ZNF23: variants seen among roughly 807,000 people sequenced by gnomAD.
ZNF23 encodes the protein zinc finger protein 23, also known as kruppel-like zinc finger factor X31.
ZNF23 carries 48 observed loss-of-function variants against 56.2 expected under a neutral mutation model. The ratio of observed to expected loss-of-function variants is 0.85; its 90% CI spans 0.68 to 1.09. The LOEUF (loss-of-function observed/expected upper bound fraction) is 1.09. Among genes scored for constraint, ZNF23 ranks in the 50% least tolerant of loss-of-function variants. ZNF23 has a pLI of 0.00. For missense variants in ZNF23, 805 were observed against 811.4 expected, an observed-to-expected ratio of 0.99 and a Z score of 0.10; for synonymous variants, 266 against 283.3, an observed-to-expected ratio of 0.94 and a Z score of 0.61.
rs748166184 is a variant in ZNF23, at chr16:71,448,447, A to G, written c.1707T>C (p.His569=). The G allele has an allele frequency of 3.1e-6, 5 of 1,614,150 alleles. No homozygotes were observed. The highest frequency in any genetic ancestry group is 1.7e-5 in the Admixed American group (1 of 60,024). The change falls in exon 5 of 5, where the codon CAT becomes CAC. Residue 569 remains histidine (H), a synonymous_variant. Coordinates refer to ENST00000647773, the MANE Select transcript of ZNF23 (RefSeq NM_001381984.1). The part of the protein sequence containing the change: ...NAKLTRHQRI[H]TGEKPFKCME... Reference sequence around the variant, plus strand: ...TACATTTGAAAGGTTTCTCCCCAGTATGTATCCTCTGATGCCTAGTTAGTT... The same window carrying G: ...TACATTTGAAAGGTTTCTCCCCAGTGTGTATCCTCTGATGCCTAGTTAGTT...
chr16:71,461,611 TC>T (rs2043459773), intron 1 of ZNF23: 1 of 152,190 alleles, frequency 6.6e-6, no homozygotes, highest in Non-Finnish European at 1.5e-5. Context: ...TAGAAGTCAT[TC>T]CCAGGTCACT....
In ZNF23 at chr16:71,447,962, G is replaced by C; in HGVS notation, c.*131C>G. 1 of 649,680 alleles carries C rather than the reference G, an allele frequency of 1.5e-6. No homozygotes were observed. The highest frequency in any genetic ancestry group is 2.4e-6 in the Non-Finnish European group (1 of 408,474). The allele number at this position is 649,680 out of a possible 1,614,324, so 40.2% of individuals were successfully genotyped here. A position where few individuals can be genotyped will look rare whatever the true frequency, so the allele number is the denominator to read the frequency against. ...ATCCTTTCCTGATTTAAACTGAATA[G>C]AATAAAAACTGTTTCCATATGAAGA... On this transcript the variant is annotated 3_prime_UTR_variant, in exon 5 of 5. Transcript: ENST00000647773.
chr16:71,459,115 A>T (rs1224379083), intron 1 of ZNF23, among the ~76,000 whole-genome samples: 2 of 152,224 alleles, frequency 1.3e-5, no homozygotes, highest in African/African-American at 4.8e-5. Flanking sequence ...TGAAGCTGCA[A>T]GCTACCAGAA....
intron 2 of ZNF23, among the ~76,000 whole-genome samples, chr16:71,454,453 A>G (rs1156284232): frequency 6.6e-6 from 1 of 152,092 alleles, no homozygotes; most frequent in Admixed American, 6.5e-5. Context: ...TCTAAAGCCA[A>G]CTCCACTCTT....
At position 71,454,036 on chromosome 16, in the gene ZNF23, T is replaced by A. The variant is rs2043141489; in HGVS notation, c.160+6A>T. On this transcript the variant is annotated splice_donor_region_variant and intron_variant, in intron 3 of 4. Transcript: ENST00000647773. ...ATTCCAGGTTCCCAGGGTAGAGAGG[T>A]CTTACCCAGGGAGGCCACATTCCCA... is the stretch of plus-strand genomic sequence containing the variant. The A allele has an allele frequency of 6.2e-7, 1 of 1,613,650 alleles. No homozygotes were observed. Among genetic ancestry groups the A allele is most frequent in the South Asian group, 1.1e-5 (1 of 91,058 alleles).
intron 4 of ZNF23, chr16:71,450,262 T>C (rs2043008436): frequency 6.0e-6 from 1 of 167,150 alleles, no homozygotes; most frequent in South Asian, 1.7e-4. Flanking sequence ...ATAGGAAGTT[T>C]AGTGGACTTG....
intron 3 of ZNF23, 54 bp from the exon 4 acceptor site, chr16:71,453,404 A>C: frequency 7.5e-7 from 1 of 1,341,538 alleles, no homozygotes; most frequent in Non-Finnish European, 1.0e-6. Context: ...CCACAGACAA[A>C]TTCCTAAGCC....
intron 1 of ZNF23, among the ~76,000 whole-genome samples, chr16:71,457,265 T>TA (rs1437867524): frequency 6.6e-6 from 1 of 151,344 alleles, no homozygotes; most frequent in Non-Finnish European, 1.5e-5. Context: ...CCTGTCTCTA[T>TA]AAAAAATACA....
rs2043243151 is a variant in ZNF23 at position 71,456,628 on chromosome 16, G to A, written c.33+136C>T. On this transcript the variant is annotated intron_variant, in intron 2 of 4. Transcript: ENST00000647773. ...TGTCCTGGTCTCTGCCGCCCTCCCT[G>A]CACAACACCTCTTTCCCACAAGTTC... 3.2e-6 allele frequency: 3 copies of A among 924,128 alleles called. No individual in the cohort carries two copies. The South Asian group carries it at 1.5e-4, about 46-fold the overall frequency. 57.2% of individuals were successfully genotyped at this position (924,128 alleles called of 1,614,324 possible). A position where few individuals can be genotyped will look rare whatever the true frequency, so the allele number is the denominator to read the frequency against.
intron 2 of ZNF23, among the ~76,000 whole-genome samples, chr16:71,455,707 G>A (rs573364352): frequency 6.6e-6 from 1 of 152,208 alleles, no homozygotes; most frequent in Admixed American, 6.5e-5. Context: ...CTTTAATGAT[G>A]GCTTTCCTTG....
chr16:71,448,100 T>C lies in ZNF23; in HGVS notation c.2054A>G (p.Lys685Arg), dbSNP rs1306076876. ...TCTATATCTTTCTCATTATTAGGAT[T>C]TTCCTTCACTATGGACACTCTGATG... ...SQHQSVHSEG[K>R]S Residue 685 changes from lysine to arginine, a missense_variant, in exon 5 of 5, where the codon AAA becomes AGA. Coordinates refer to ENST00000647773, the MANE Select transcript of ZNF23 (RefSeq NM_001381984.1). 8 of 1,580,986 alleles carry C rather than the reference T, an allele frequency of 5.1e-6. No individual in the cohort carries two copies. Among genetic ancestry groups the C allele is most frequent in the Non-Finnish European group, 6.9e-6 (8 of 1,166,220 alleles).
At position 71,448,003 on chromosome 16, in the gene ZNF23, G is replaced by T; in HGVS notation, c.*90C>A. The T allele has an allele frequency of 2.9e-6, 3 of 1,025,162 alleles. No individual in the cohort carries two copies. Among genetic ancestry groups the T allele is most frequent in the Non-Finnish European group, 4.2e-6 (3 of 713,622 alleles). The allele number at this position is 1,025,162 out of a possible 1,614,324, so 63.5% of individuals were successfully genotyped here. On this transcript the variant is annotated 3_prime_UTR_variant, in exon 5 of 5. Coordinates refer to ENST00000647773, the MANE Select transcript of ZNF23 (RefSeq NM_001381984.1). ...CATATGAAGACTCTGCCATATTCAT[G>T]CCCTCTTGGAGGTTTTTCAATGGAT...
intron 1 of ZNF23, among the ~76,000 whole-genome samples, chr16:71,459,331 A>C (rs1015420062): frequency 1.3e-5 from 2 of 152,250 alleles, no homozygotes; most frequent in African/African-American, 4.8e-5. Context: ...TAAGACTCCA[A>C]GGCTCCTCAA....
In ZNF23 at chr16:71,454,248, G is replaced by A. The variant is rs533926007; in HGVS notation, c.34-80C>T. 10 of 1,508,820 alleles carry A rather than the reference G, an allele frequency of 6.6e-6. 1 individual carries two copies. In the South Asian group the frequency reaches 1.3e-4, roughly 20 times the overall value. 93.5% of individuals were successfully genotyped at this position (1,508,820 alleles called of 1,614,324 possible). On this transcript the variant is annotated intron_variant, in intron 2 of 4. Coordinates refer to ENST00000647773, the MANE Select transcript of ZNF23 (RefSeq NM_001381984.1). ...GTGAGGGGCAGAGCGCAGTATAAGGGCTTGGGGAGGGTGCTTGTGAGAGCA... is the reference window on the plus strand; with the variant it reads ...GTGAGGGGCAGAGCGCAGTATAAGGACTTGGGGAGGGTGCTTGTGAGAGCA...
chr16:71,453,954 C>T (rs1487098405), intron 3 of ZNF23, 88 bp downstream of exon 3: 2 of 1,456,412 alleles, frequency 1.4e-6, no homozygotes, highest in Non-Finnish European at 1.9e-6. Flanking sequence ...AAAGGATTAC[C>T]AGAGATCCCC....
Position 71,449,094 on chromosome 16 carries a change from T to C in ZNF23, c.1060A>G (p.Asn354Asp). The part of the protein sequence containing the change: ...VHTGEKPYEC[N>D]DCGKAFNVNA... ...ACATTGAACGCTTTCCCACAGTCATTACACTCGTAAGGTTTCTCTCCAGTG... is the reference window on the plus strand; with the variant it reads ...ACATTGAACGCTTTCCCACAGTCATCACACTCGTAAGGTTTCTCTCCAGTG... The change falls in exon 5 of 5, where the codon AAT (asparagine) becomes GAT (aspartate). Residue 354 changes from asparagine to aspartate, a missense_variant. By Grantham distance (23) the Asn-to-Asp change is conservative. Coordinates refer to ENST00000647773, the MANE Select transcript of ZNF23 (RefSeq NM_001381984.1). 6.2e-7 allele frequency: 1 copy of C among 1,614,226 alleles called. No homozygotes were observed. The highest frequency in any genetic ancestry group is 8.5e-7 in the Non-Finnish European group (1 of 1,180,028).
At chr16:71,461,135 A>T (rs1390122421) in intron 1 of ZNF23, among the ~76,000 whole-genome samples, 1 of 152,176 alleles carries the variant, frequency 6.6e-6, no homozygotes, top group Non-Finnish European at 1.5e-5. Flanking sequence ...ATTAACACAA[A>T]AGTCAATATA....
Position 71,448,508 on chromosome 16 carries a change from C to T in ZNF23, c.1646G>A (p.Cys549Tyr). ...ACTGAAGGCTTTCCCACATTCCTTA[C>T]ATTGATAGGGCTTTTCTCCAGTATG... ...RIHTGEKPYQ[C>Y]KECGKAFSIN... The change falls in exon 5 of 5, where the codon TGT (cysteine) becomes TAT (tyrosine). Residue 549 changes from cysteine (C) to tyrosine (Y), a missense_variant. Transcript: ENST00000647773. 1 of 1,614,220 alleles carries T rather than the reference C, an allele frequency of 6.2e-7. No homozygotes were observed. Among genetic ancestry groups the T allele is most frequent in the Non-Finnish European group, 8.5e-7 (1 of 1,180,038 alleles).
chr16:71,449,013 A>G lies in ZNF23; in HGVS notation c.1141T>C (p.Cys381Arg). The G allele has an allele frequency of 6.2e-7, 1 of 1,614,142 alleles. No individual in the cohort carries two copies. The highest frequency in any genetic ancestry group is 1.1e-5 in the South Asian group (1 of 91,074). Residue 381 changes from cysteine to arginine, a missense_variant, in exon 5 of 5, where the codon TGT becomes CGT. By Grantham distance (180) the Cys-to-Arg change is radical. Coordinates refer to ENST00000647773, the MANE Select transcript of ZNF23 (RefSeq NM_001381984.1). ...RIHTGEKPYE[C>R]NECGKGFRCS... is the part of the protein sequence containing the mutation. ...CTGAAGCCTTTTCCACATTCATTAC[A>G]TTCATAAGGTTTCTCTCCAGTATGG...
Sources: allele counts gnomAD v4.1 joint callset (sites outside exome capture counted in the v4.1 genomes callset), GRCh38; gene constraint gnomAD v4.1.1; transcripts MANE v1.5; gene names NCBI Gene and HGNC (gene_info 2026-07-23, HGNC 2026-07-21).